AKT3: variants seen among roughly 807,000 people sequenced by gnomAD.
The protein encoded by AKT3 is AKT serine/threonine kinase 3, also known as RAC-gamma serine/threonine-protein kinase.
AKT3 carries 15 observed loss-of-function variants against 65.3 expected under a neutral mutation model. That is an observed-to-expected ratio of 0.23 (90% CI 0.15 to 0.35). The LOEUF (loss-of-function observed/expected upper bound fraction) is 0.35, where lower values mean the gene tolerates loss of function less well. Among genes scored for constraint, AKT3 ranks in the 10% least tolerant of loss-of-function variants. The pLI, the probability that AKT3 is intolerant of heterozygous loss-of-function variation, is 1.00. For missense variants in AKT3, 243 were observed against 576.5 expected (o/e 0.42, Z 5.92); for synonymous variants, 206 against 183.8 (o/e 1.12, Z -0.98).
At chr1:243,686,423 C>T (rs928873978) in intron 3 of AKT3, among the ~76,000 whole-genome samples, 6 of 151,522 alleles carry the variant, frequency 4.0e-5, no homozygotes, top group African/African-American at 1.5e-4. Context: ...TAGTATTTGG[C>T]CTCAACTGCA....
intron 4 of AKT3, among the ~76,000 whole-genome samples, chr1:243,654,920 A>T (rs556556159): frequency 6.6e-6 from 1 of 151,922 alleles, no homozygotes; most frequent in South Asian, 2.1e-4. Flanking sequence ...TTTTCTTCAT[A>T]TTTTTCCTAC....
rs1452828516 is a variant in AKT3, at chr1:243,501,057, G to T, written c.*4192C>A. On this transcript the variant is annotated 3_prime_UTR_variant, in exon 14 of 14. Coordinates refer to ENST00000673466, the MANE Select transcript of AKT3 (RefSeq NM_005465.7). ...GTCAACCCCAGTGGTTTTGAGAGAA[G>T]AGCACATGTGAGAATGCCCTCAAAT... is the stretch of plus-strand genomic sequence containing the variant. 1 of 230,524 alleles carries T rather than the reference G, an allele frequency of 4.3e-6. No homozygotes were observed. Among genetic ancestry groups the T allele is most frequent in the Non-Finnish European group, 8.6e-6 (1 of 116,548 alleles). The allele number at this position is 230,524 out of a possible 1,614,324, so 14.3% of individuals were successfully genotyped here. A position where few individuals can be genotyped will look rare whatever the true frequency, so the allele number is the denominator to read the frequency against.
At chr1:243,759,841 A>C (rs1689376331) in intron 2 of AKT3, among the ~76,000 whole-genome samples, 1 of 152,254 alleles carries the variant, frequency 6.6e-6, no homozygotes, top group South Asian at 2.1e-4. Context: ...ATCAGATTGA[A>C]TAATTCAGAT....
intron 2 of AKT3, among the ~76,000 whole-genome samples, chr1:243,835,289 G>T (rs1029396827): frequency 6.6e-6 from 1 of 152,070 alleles, no homozygotes; most frequent in Non-Finnish European, 1.5e-5. Context: ...AAATCACCCT[G>T]GTTGTACTTT....
At position 243,504,577 on chromosome 1, in the gene AKT3, C is replaced by T. The variant is rs545475704; in HGVS notation, c.*672G>A. ...CTCATGATTGCCCGTGAAGTCTCGA[C>T]ATCCACATGTGATATGGGCTTCTTC... On this transcript the variant is annotated 3_prime_UTR_variant, in exon 14 of 14. Coordinates refer to ENST00000673466, the MANE Select transcript of AKT3 (RefSeq NM_005465.7). The T allele has an allele frequency of 1.1e-5, 2 of 184,154 alleles. No homozygotes were observed. Among genetic ancestry groups the T allele is most frequent in the Admixed American group, 6.3e-5 (1 of 15,994 alleles). The allele number at this position is 184,154 out of a possible 1,614,324, so 11.4% of individuals were successfully genotyped here. A position where few individuals can be genotyped will look rare whatever the true frequency, so the allele number is the denominator to read the frequency against.
chr1:243,731,391 AGAAGAG>A (rs1432372176), intron 2 of AKT3, among the ~76,000 whole-genome samples: 5 of 152,180 alleles, frequency 3.3e-5, no homozygotes, highest in Non-Finnish European at 7.3e-5. Context: ...CTAAGGGGCA[AGAAGAG>A]GTAATGGGCA....
At chr1:243,545,200 T>G (rs1198439212) in intron 12 of AKT3, among the ~76,000 whole-genome samples, 1 of 152,116 alleles carries the variant, frequency 6.6e-6, no homozygotes, top group African/African-American at 2.4e-5. Flanking sequence ...TTTTAACTAG[T>G]TTTCTTAAAG....
chr1:243,647,252 G>A (rs1005942815), intron 4 of AKT3, among the ~76,000 whole-genome samples: 1 of 152,174 alleles, frequency 6.6e-6, no homozygotes, highest in African/African-American at 2.4e-5. Flanking sequence ...AGTCCCCTAA[G>A]ATTATTACAC....
chr1:243,739,784 GT>G (rs1253138023), intron 2 of AKT3, among the ~76,000 whole-genome samples: 2 of 152,134 alleles, frequency 1.3e-5, no homozygotes, highest in Admixed American at 1.3e-4. Flanking sequence ...CTTACACTCT[GT>G]TCCCCAGATA....
intron 4 of AKT3, among the ~76,000 whole-genome samples, chr1:243,661,211 A>G (rs1192921110): frequency 1.3e-5 from 2 of 152,184 alleles, no homozygotes; most frequent in African/African-American, 2.4e-5. Context: ...AAACTACTTT[A>G]AAGTACATAT....
intron 4 of AKT3, among the ~76,000 whole-genome samples, chr1:243,660,042 T>C (rs938241573): frequency 2.6e-5 from 4 of 151,908 alleles, no homozygotes; most frequent in Non-Finnish European, 5.9e-5. Context: ...TTGGAATAGT[T>C]TCAGAAGGAA....
chr1:243,806,327 T>G (rs1413260314), intron 2 of AKT3, among the ~76,000 whole-genome samples: 1 of 152,010 alleles, frequency 6.6e-6, no homozygotes, highest in Non-Finnish European at 1.5e-5. Context: ...TGCTATAACA[T>G]GATAGGCATG....
chr1:243,769,532 C>T (rs974050294), intron 2 of AKT3, among the ~76,000 whole-genome samples: 1 of 152,190 alleles, frequency 6.6e-6, no homozygotes, highest in African/African-American at 2.4e-5. Context: ...ATTTGCACTT[C>T]TCTGATGGCT....
intron 8 of AKT3, among the ~76,000 whole-genome samples, chr1:243,591,162 T>C (rs775997336): frequency 1.5e-4 from 23 of 152,270 alleles, no homozygotes; most frequent in South Asian, 4.1e-4. Flanking sequence ...CGGAGTCTCA[T>C]TGAGCAGCAC....
intron 11 of AKT3, chr1:243,546,758 CAAAGATCATA>C (rs956800744): frequency 3.6e-4 from 55 of 152,234 alleles, no homozygotes; most frequent in African/African-American, 1.3e-3. Context: ...ACAAAATTTA[CAAAGATCATA>C]AAACATACAA....
At chr1:243,820,822 A>G (rs988721095) in intron 2 of AKT3, among the ~76,000 whole-genome samples, 6 of 152,210 alleles carry the variant, frequency 3.9e-5, no homozygotes, top group Admixed American at 2.6e-4. Context: ...GGTACCTGAA[A>G]GAGATGGGGA....
chr1:243,559,026 G>T (rs924609353), intron 10 of AKT3, among the ~76,000 whole-genome samples: 1 of 152,046 alleles, frequency 6.6e-6, no homozygotes, highest in African/African-American at 2.4e-5. Flanking sequence ...AAATGGTTTG[G>T]ATTCAATAGG....
intron 2 of AKT3, among the ~76,000 whole-genome samples, chr1:243,790,832 G>C (rs1056002533): frequency 6.6e-6 from 1 of 152,112 alleles, no homozygotes; most frequent in Non-Finnish European, 1.5e-5. Context: ...GAGAGAGACA[G>C]GGGTACAGCC....
At position 243,501,879 on chromosome 1, in the gene AKT3, T is replaced by C. The variant is rs1669338879; in HGVS notation, c.*3370A>G. On this transcript the variant is annotated 3_prime_UTR_variant, in exon 14 of 14. Coordinates refer to ENST00000673466, the MANE Select transcript of AKT3 (RefSeq NM_005465.7). ...TACAGTGTACAAAAACAGTTTCTCC[T>C]AGTTATTCCACATCCTTGTGGGTCA... 4.3e-6 allele frequency: 1 copy of C among 232,576 alleles called. No homozygotes were observed. Among genetic ancestry groups the C allele is most frequent in the Non-Finnish European group, 8.5e-6 (1 of 117,766 alleles). The allele number at this position is 232,576 out of a possible 1,614,324, so 14.4% of individuals were successfully genotyped here.
Sources: allele counts gnomAD v4.1 joint callset (sites outside exome capture counted in the v4.1 genomes callset), GRCh38; gene constraint gnomAD v4.1.1; transcripts MANE v1.5; gene names NCBI Gene and HGNC (gene_info 2026-07-23, HGNC 2026-07-21).